Variants in MALRD1 observed in about 807,000 individuals in gnomAD.
The protein encoded by MALRD1 is MAM and LDL receptor class A domain containing 1, also known as MAM and LDL-receptor class A domain-containing protein 1.
In MALRD1, 247 loss-of-function variants were observed where a neutral mutation model predicts 242.1. The ratio of observed to expected loss-of-function variants is 1.02; its 90% CI spans 0.92 to 1.13. MALRD1 has a LOEUF of 1.13. Ranked by LOEUF, MALRD1 falls within the 50% of genes most tolerant of loss-of-function variation. MALRD1 has a pLI of 0.00. For synonymous variants in MALRD1, 995 were observed against 866.6 expected (o/e 1.15, Z -2.60); for missense variants, 2,989 against 2,533.1 (o/e 1.18, Z -3.86).
chr10:19,421,794 T>C lies in MALRD1; in HGVS notation c.4846-28513T>C, dbSNP rs1220453694. On this transcript the variant is annotated intron_variant, in intron 28 of 39. Coordinates refer to ENST00000454679, the MANE Select transcript of MALRD1 (RefSeq NM_001142308.3). ...TCCACTTTTCAGAGGCAGATTGCTA[T>C]TGCCTTTTTTCCCCTGGCCAGTAAA... Among the ~76,000 whole-genome samples the C allele has an allele frequency of 2.0e-5, 3 of 152,192 alleles. No homozygotes were observed. In the South Asian group the frequency reaches 6.2e-4, roughly 32 times the overall value.
intron 5 of MALRD1, among the ~76,000 whole-genome samples, chr10:19,109,885 G>T (rs948399502): frequency 5.9e-5 from 9 of 152,338 alleles, no homozygotes; most frequent in Admixed American, 3.9e-4. Context: ...TGTGATGACT[G>T]CAGAGTTCTG....
At chr10:19,499,263 A>G (rs1837857928) in intron 31 of MALRD1, among the ~76,000 whole-genome samples, 1 of 152,186 alleles carries the variant, frequency 6.6e-6, no homozygotes, top group African/African-American at 2.4e-5. Flanking sequence ...CTGACTCAGA[A>G]TTTATCTTAG....
intron 31 of MALRD1, among the ~76,000 whole-genome samples, chr10:19,508,539 A>G (rs1433703706): frequency 6.6e-6 from 1 of 152,194 alleles, no homozygotes; most frequent in African/African-American, 2.4e-5. Context: ...AACTAGCCAC[A>G]TGGAACTATT....
At chr10:19,564,662 A>T (rs919621098) in intron 32 of MALRD1, among the ~76,000 whole-genome samples, 9 of 152,206 alleles carry the variant, frequency 5.9e-5, no homozygotes, top group Admixed American at 1.3e-4. Context: ...AATAATTATT[A>T]CTGTGATATG....
chr10:19,463,359 T>C (rs528010624), intron 29 of MALRD1, among the ~76,000 whole-genome samples: 283 of 114,124 alleles, frequency 2.5e-3, no homozygotes, highest in African/African-American at 8.4e-3. Flanking sequence ...TCAAAGTCCA[T>C]TGTATCATTC....
At chr10:19,688,503 C>T (rs140322970) in intron 36 of MALRD1, among the ~76,000 whole-genome samples, 2 of 151,572 alleles carry the variant, frequency 1.3e-5, no homozygotes, top group Non-Finnish European at 2.9e-5. Flanking sequence ...TCAAGTAATC[C>T]TCCCACCTCG....
rs911534716 is a variant in MALRD1, at chr10:19,602,893, T to A, written c.5945-4884T>A. Among the ~76,000 whole-genome samples, 12 of 152,256 alleles carry A rather than the reference T, an allele frequency of 7.9e-5. No individual in the cohort carries two copies. In the South Asian group the frequency reaches 8.3e-4, roughly 11 times the overall value. ...ACTTTTTAATGATCGCCATTCTAAC[T>A]GGTGTGAGATGGTATCTCATTGTGG... On this transcript the variant is annotated intron_variant, in intron 34 of 39. Coordinates refer to ENST00000454679, the MANE Select transcript of MALRD1 (RefSeq NM_001142308.3).
In MALRD1 at chr10:19,352,098, C is replaced by T; in HGVS notation, c.4242C>T (p.Asn1414=). The T allele has an allele frequency of 6.4e-7, 1 of 1,550,486 alleles. No homozygotes were observed. Among genetic ancestry groups the T allele is most frequent in the Non-Finnish European group, 8.7e-7 (1 of 1,146,872 alleles). ...SVTNQTKVLL[N]LTVEQGNFWR... The stretch of plus-strand genomic sequence containing the variant: ...CAAACCAAACGAAGGTTCTACTTAA[C>T]CTCACTGTAGAACAAGGCAATTTCT... The change falls in exon 26 of 40, where the codon AAC becomes AAT. Residue 1414 remains asparagine, a synonymous_variant. Transcript: ENST00000454679.
chr10:19,070,464 C>G (rs1835109778), intron 2 of MALRD1, among the ~76,000 whole-genome samples: 1 of 152,048 alleles, frequency 6.6e-6, no homozygotes, highest in African/African-American at 2.4e-5. Flanking sequence ...GCAGAAAAAT[C>G]CTAAGTGGAA....
chr10:19,051,059 A>G (rs1834478366), intron 1 of MALRD1, among the ~76,000 whole-genome samples: 1 of 152,182 alleles, frequency 6.6e-6, no homozygotes, highest in Admixed American at 6.5e-5. Context: ...TTTCATTTTC[A>G]TTTCTGAGAA....
chr10:19,466,519 C>G (rs1275880042), intron 29 of MALRD1, among the ~76,000 whole-genome samples: 2 of 152,184 alleles, frequency 1.3e-5, no homozygotes, highest in South Asian at 2.1e-4. Flanking sequence ...AGTTAACTTT[C>G]TCACAGTTCT....
intron 21 of MALRD1, among the ~76,000 whole-genome samples, chr10:19,292,236 TG>T (rs780445670): frequency 6.6e-6 from 1 of 152,118 alleles, no homozygotes; most frequent in Non-Finnish European, 1.5e-5. Flanking sequence ...CAATACACAA[TG>T]TTTTTTTCTG....
intron 28 of MALRD1, among the ~76,000 whole-genome samples, chr10:19,441,433 G>T (rs1348952694): frequency 1.3e-5 from 2 of 152,096 alleles, no homozygotes; most frequent in African/African-American, 4.8e-5. Flanking sequence ...TGTCCTGAAT[G>T]GTATTGCCTA....
chr10:19,585,706 G>T (rs11010579), intron 33 of MALRD1, among the ~76,000 whole-genome samples: 49,569 of 151,686 alleles, frequency 0.33, 9,007 homozygotes, highest in Non-Finnish European at 0.41. Context: ...TATGTGTCTT[G>T]GTGTTGCTCT....
intron 27 of MALRD1, 101 bp downstream of exon 27, chr10:19,387,874 C>T (rs545606824): frequency 6.9e-5 from 95 of 1,373,116 alleles, no homozygotes; most frequent in Non-Finnish European, 7.5e-5. Context: ...GAGACCACCA[C>T]GATGGTATTG....
chr10:19,462,972 G>A (rs1836020662), intron 29 of MALRD1, among the ~76,000 whole-genome samples: 1 of 152,102 alleles, frequency 6.6e-6, no homozygotes, highest in East Asian at 1.9e-4. Context: ...AAGCTTTTGT[G>A]TATTAATTAT....
At chr10:19,671,495 G>C (rs1180430234) in intron 36 of MALRD1, among the ~76,000 whole-genome samples, 1 of 151,866 alleles carries the variant, frequency 6.6e-6, no homozygotes, top group East Asian at 1.9e-4. Flanking sequence ...GCATGCACCT[G>C]TAGTCCCAGT....
At chr10:19,597,159 T>G (rs1430848306) in intron 34 of MALRD1, among the ~76,000 whole-genome samples, 1 of 152,180 alleles carries the variant, frequency 6.6e-6, no homozygotes, top group African/African-American at 2.4e-5. Flanking sequence ...TCTTCTAATC[T>G]TTTCTTAGAA....
At chr10:19,485,046 C>G (rs1423042218) in intron 29 of MALRD1, among the ~76,000 whole-genome samples, 1 of 152,132 alleles carries the variant, frequency 6.6e-6, no homozygotes, top group Non-Finnish European at 1.5e-5. Flanking sequence ...AACTGAAAGC[C>G]ACTGTCCTAA....
Sources: gnomAD v4.1 joint callset for allele counts (sites outside exome capture counted in the v4.1 genomes callset) on GRCh38, gnomAD v4.1.1 for gene constraint, MANE v1.5 for transcripts, NCBI Gene and HGNC (gene_info 2026-07-23, HGNC 2026-07-21) for gene names.